Variants in WDFY3 observed in about 807,000 individuals in gnomAD.
WDFY3 encodes the protein WD repeat and FYVE domain-containing protein 3.
In WDFY3, 66 loss-of-function variants were observed where a neutral mutation model predicts 409.6. The ratio of observed to expected loss-of-function variants is 0.16; its 90% CI spans 0.13 to 0.20. WDFY3 has a LOEUF of 0.20. WDFY3 is among the 10% of genes least tolerant of loss of function. The probability of loss-of-function intolerance (pLI) is 1.00; values close to 1 mark genes in which losing one functional copy is unlikely to be tolerated. For missense variants in WDFY3, 3,031 were observed against 4,298.1 expected, an observed-to-expected ratio of 0.71 and a Z score of 8.24; for synonymous variants, 1,521 against 1,537.1, an observed-to-expected ratio of 0.99 and a Z score of 0.25.
At chr4:84,677,493 C>T (rs1578096922) in intron 66 of WDFY3, 97 bp from the exon 67 acceptor site, 12 of 1,249,576 alleles carry the variant, frequency 9.6e-6, no homozygotes, top group Admixed American at 5.5e-5. Context: ...GTTTTGAGGT[C>T]GGGGCTGGTA....
At chr4:84,780,524 C>G (rs765695921) in intron 25 of WDFY3, among the ~76,000 whole-genome samples, 1 of 152,084 alleles carries the variant, frequency 6.6e-6, no homozygotes, top group African/African-American at 2.4e-5. Context: ...TTTGGGAGGC[C>G]GAAGCAAGTG....
chr4:84,854,704 G>T (rs576419331), intron 4 of WDFY3, among the ~76,000 whole-genome samples: 1 of 152,164 alleles, frequency 6.6e-6, no homozygotes, highest in Non-Finnish European at 1.5e-5. Context: ...GAGGTCAGGC[G>T]TTGAGACCAG....
chr4:84,925,491 G>GAAAAAAAA (rs1247795978), intron 2 of WDFY3, among the ~76,000 whole-genome samples: 1 of 152,016 alleles, frequency 6.6e-6, no homozygotes, highest in Non-Finnish European at 1.5e-5. Context: ...AAGAGAGAAA[G>GAAAAAAAA]AAAAAGAGAG....
rs936624904 is a variant in WDFY3 at position 84,672,759 on chromosome 4, G to A, written c.*109C>T. The A allele has an allele frequency of 1.1e-5, 16 of 1,447,488 alleles. No individual in the cohort carries two copies. In the African/African-American group the frequency reaches 1.7e-4, roughly 15 times the overall value. 89.7% of individuals were successfully genotyped at this position (1,447,488 alleles called of 1,614,324 possible). A position where few individuals can be genotyped will look rare whatever the true frequency, so the allele number is the denominator to read the frequency against. On this transcript the variant is annotated 3_prime_UTR_variant, in exon 68 of 68. Transcript: ENST00000295888. Reference sequence around the variant, plus strand: ...TTGAATTTTAACACTTCAAACACGTGGTATGAAGAGATGTGTAAACGGAGA... The same window carrying A: ...TTGAATTTTAACACTTCAAACACGTAGTATGAAGAGATGTGTAAACGGAGA...
intron 1 of WDFY3, among the ~76,000 whole-genome samples, chr4:84,938,614 G>A (rs1284782771): frequency 1.3e-5 from 2 of 151,936 alleles, no homozygotes; most frequent in Non-Finnish European, 2.9e-5. Context: ...TTATAAATGA[G>A]GAAAGTCTAA....
At chr4:84,905,026 G>A (rs1173280150) in intron 2 of WDFY3, among the ~76,000 whole-genome samples, 1 of 151,138 alleles carries the variant, frequency 6.6e-6, no homozygotes, top group African/African-American at 2.4e-5. Flanking sequence ...TCTCGTCTGC[G>A]CACACGGGGA....
At chr4:84,768,205 T>C (rs1457225019) in intron 30 of WDFY3, among the ~76,000 whole-genome samples, 5 of 152,248 alleles carry the variant, frequency 3.3e-5, no homozygotes, top group Admixed American at 6.5e-5. Context: ...CAAGTGCTGA[T>C]GTAGAAGCTG....
At chr4:84,927,450 A>G (rs1490714412) in intron 2 of WDFY3, among the ~76,000 whole-genome samples, 2 of 152,180 alleles carry the variant, frequency 1.3e-5, no homozygotes, top group Non-Finnish European at 2.9e-5. Context: ...AACCCATAAA[A>G]TAAGTTTCCA....
At chr4:84,729,671 T>C (rs1354206128) in intron 44 of WDFY3, among the ~76,000 whole-genome samples, 1 of 88,518 alleles carries the variant, frequency 1.1e-5, no homozygotes, top group Admixed American at 1.6e-4. Context: ...GTTTAAGAAA[T>C]AAAACTTTAA....
At chr4:84,737,797 C>T (rs1413346450) in intron 40 of WDFY3, among the ~76,000 whole-genome samples, 1 of 152,156 alleles carries the variant, frequency 6.6e-6, no homozygotes, top group Non-Finnish European at 1.5e-5. Context: ...TTCATTCTTG[C>T]TTTGGATTCC....
At chr4:84,910,519 T>G (rs896833600) in intron 2 of WDFY3, among the ~76,000 whole-genome samples, 1 of 152,062 alleles carries the variant, frequency 6.6e-6, no homozygotes. Context: ...CTCACATATA[T>G]GGCCAACTGA....
intron 29 of WDFY3, among the ~76,000 whole-genome samples, chr4:84,774,180 T>C (rs1437753173): frequency 6.6e-6 from 1 of 152,202 alleles, no homozygotes; most frequent in East Asian, 1.9e-4. Context: ...AGTGACCAAG[T>C]CCAGTTTAAG....
chr4:84,913,456 G>A (rs748034136), intron 2 of WDFY3, among the ~76,000 whole-genome samples: 7 of 152,192 alleles, frequency 4.6e-5, no homozygotes, highest in Non-Finnish European at 7.3e-5. Context: ...AAGGTGAGGG[G>A]TGAAGGGTTT....
At chr4:84,802,317 A>ATCTCGGC (rs931582886) in intron 16 of WDFY3, among the ~76,000 whole-genome samples, 17 of 145,634 alleles carry the variant, frequency 1.2e-4, no homozygotes, top group Non-Finnish European at 2.0e-4. Context: ...CAATTGTGTG[A>ATCTCGGC]TCTCGGCTCT....
intron 66 of WDFY3, among the ~76,000 whole-genome samples, chr4:84,677,775 C>T (rs1726559968): frequency 6.6e-6 from 1 of 151,736 alleles, no homozygotes; most frequent in South Asian, 2.1e-4. Flanking sequence ...CCAGCCTGGG[C>T]AACACGGTAA....
intron 32 of WDFY3, among the ~76,000 whole-genome samples, chr4:84,764,397 A>G (rs1457684898): frequency 1.3e-5 from 2 of 152,220 alleles, no homozygotes; most frequent in Non-Finnish European, 2.9e-5. Flanking sequence ...TTTGAGCACA[A>G]AAGTACCCAT....
At chr4:84,875,933 T>C (rs1045919916) in intron 3 of WDFY3, among the ~76,000 whole-genome samples, 5 of 152,138 alleles carry the variant, frequency 3.3e-5, no homozygotes, top group Admixed American at 1.3e-4. Context: ...TGTCTTACAG[T>C]TAGTTTTCTT....
chr4:84,840,761 A>T (rs1475481380), intron 6 of WDFY3, among the ~76,000 whole-genome samples: 16 of 145,670 alleles, frequency 1.1e-4, no homozygotes, highest in South Asian at 2.2e-4. Flanking sequence ...TTTTTTTTTT[A>T]AAGAGATTGG....
chr4:84,695,374 C>T (rs1383243874), intron 58 of WDFY3, among the ~76,000 whole-genome samples: 1 of 151,874 alleles, frequency 6.6e-6, no homozygotes, highest in African/African-American at 2.4e-5. Flanking sequence ...ACAATCTAAC[C>T]CAATCCATCA....
Sources: gnomAD v4.1 joint callset for allele counts (sites outside exome capture counted in the v4.1 genomes callset) on GRCh38, gnomAD v4.1.1 for gene constraint, MANE v1.5 for transcripts, NCBI Gene and HGNC (gene_info 2026-07-23, HGNC 2026-07-21) for gene names.